The following LRRC37A2 variants were observed in gnomAD, a reference collection of about 807,000 sequenced individuals.
The protein encoded by LRRC37A2 is leucine-rich repeat-containing protein 37A2.
In LRRC37A2, 9 loss-of-function variants were observed where a neutral mutation model predicts 68.8. The observed-to-expected ratio is 0.13, with a 90% CI of 0.08 to 0.23. The LOEUF (loss-of-function observed/expected upper bound fraction) is 0.23, where lower values mean the gene tolerates loss of function less well. Among genes scored for constraint, LRRC37A2 ranks in the 10% least tolerant of loss-of-function variants. LRRC37A2 has a pLI of 1.00. For missense variants in LRRC37A2, 168 were observed against 950.4 expected, an observed-to-expected ratio of 0.18 and a Z score of 10.82; for synonymous variants, 63 against 367.6, an observed-to-expected ratio of 0.17 and a Z score of 9.48.
the LRRC37A2 span, among the ~76,000 whole-genome samples, chr17:46,851,344 C>T: frequency 6.7e-6 from 1 of 149,818 alleles, no homozygotes; most frequent in Admixed American, 6.6e-5. This position sits in a 1 kb window ranked among gnomAD's most constrained non-coding sequence, Gnocchi z 4.3. Flanking sequence ...ACCGCGACCC[C>T]GGGCGGGCGC....
chr17:47,008,827 A>T, the LRRC37A2 span, among the ~76,000 whole-genome samples: 2 of 152,146 alleles, frequency 1.3e-5, no homozygotes, highest in Non-Finnish European at 2.9e-5. Context: ...ATTCTGACAA[A>T]ATTAAATTTT....
At chr17:46,516,238 G>A (rs2051282002) in intron 2 of LRRC37A2, among the ~76,000 whole-genome samples, 1 of 137,672 alleles carries the variant, frequency 7.3e-6, no homozygotes, top group South Asian at 2.2e-4. Context: ...GGGAGGCAGA[G>A]CTTGCAGTGA....
chr17:46,986,055 A>G, the LRRC37A2 span, among the ~76,000 whole-genome samples: 2 of 152,042 alleles, frequency 1.3e-5, no homozygotes, highest in African/African-American at 2.4e-5. Flanking sequence ...GTAGACATTG[A>G]CCTAAACAGA....
chr17:46,960,236 G>A, the LRRC37A2 span, among the ~76,000 whole-genome samples: 1 of 152,162 alleles, frequency 6.6e-6, no homozygotes, highest in Non-Finnish European at 1.5e-5. Flanking sequence ...TGGCACTTAA[G>A]AACATGAAAA....
chr17:46,893,131 A>C, the LRRC37A2 span, among the ~76,000 whole-genome samples: 2 of 151,978 alleles, frequency 1.3e-5, no homozygotes, highest in Non-Finnish European at 2.9e-5. Context: ...TTGGGTTTTC[A>C]CCATGTTGGC....
At chr17:46,778,743 C>T in the LRRC37A2 span, among the ~76,000 whole-genome samples, 1 of 152,126 alleles carries the variant, frequency 6.6e-6, no homozygotes, top group South Asian at 2.1e-4. Flanking sequence ...GGCTGTTTCA[C>T]ACTTCTGCAC....
the LRRC37A2 span, among the ~76,000 whole-genome samples, chr17:46,889,144 T>TAG: frequency 1.3e-5 from 2 of 152,112 alleles, no homozygotes; most frequent in Non-Finnish European, 2.9e-5. Context: ...ATCCTAGACT[T>TAG]AGAACCCATG....
chr17:46,938,437 C>T, the LRRC37A2 span, among the ~76,000 whole-genome samples: 1 of 152,118 alleles, frequency 6.6e-6, no homozygotes, highest in African/African-American at 2.4e-5. Context: ...AATCAGTCGA[C>T]GACATGAGAG....
At chr17:46,496,643 A>T in the LRRC37A2 span, among the ~76,000 whole-genome samples, 1 of 116,896 alleles carries the variant, frequency 8.6e-6, no homozygotes, top group Non-Finnish European at 1.7e-5. Context: ...GGCCTGGTGC[A>T]GTGGCTCATG....
the LRRC37A2 span, among the ~76,000 whole-genome samples, chr17:46,788,826 C>T: frequency 2.0e-5 from 3 of 152,192 alleles, no homozygotes; most frequent in African/African-American, 4.8e-5. Flanking sequence ...TTCGTCTCTC[C>T]CAGATCCCAC....
chr17:46,699,527 A>G, the LRRC37A2 span, among the ~76,000 whole-genome samples: 1 of 148,218 alleles, frequency 6.7e-6, no homozygotes, highest in African/African-American at 2.5e-5. Context: ...TTTTTGATTG[A>G]TTAAGGTCAT....
chr17:46,905,063 A>G, the LRRC37A2 span, among the ~76,000 whole-genome samples: 1 of 151,982 alleles, frequency 6.6e-6, no homozygotes. Flanking sequence ...GCCCTAGAGA[A>G]AAGACCTTTT....
the LRRC37A2 span, among the ~76,000 whole-genome samples, chr17:46,708,830 T>A: frequency 6.9e-3 from 730 of 105,450 alleles, 4 homozygotes; most frequent in South Asian, 0.058. Flanking sequence ...ATATTTTTTT[T>A]TTTTTTTTTT....
At chr17:47,004,880 C>A in the LRRC37A2 span, among the ~76,000 whole-genome samples, 1 of 150,742 alleles carries the variant, frequency 6.6e-6, no homozygotes, top group African/African-American at 2.4e-5. Context: ...TACTGTAAGA[C>A]AATCAGTCAT....
the LRRC37A2 span, chr17:46,762,632 T>C: frequency 2.0e-5 from 3 of 151,222 alleles, no homozygotes; most frequent in African/African-American, 4.8e-5. Context: ...GTATATACAT[T>C]GTATAATAAA....
the LRRC37A2 span, among the ~76,000 whole-genome samples, chr17:46,502,263 C>T: frequency 6.6e-6 from 1 of 150,986 alleles, no homozygotes; most frequent in Non-Finnish European, 1.5e-5. Flanking sequence ...GAACTCAGAG[C>T]CTTGGGTTAC....
the LRRC37A2 span, among the ~76,000 whole-genome samples, chr17:47,020,781 C>CAAAAAAAAAAAAAAAAAAAAAAAA: frequency 4.5e-4 from 9 of 20,110 alleles, no homozygotes; most frequent in Non-Finnish European, 6.3e-4. Flanking sequence ...GACTCCATCT[C>CAAAAAAAAAAAAAAAAAAAAAAAA]AAAAAAAAAA....
At chr17:46,546,160 CT>C in intron 8 of LRRC37A2, 94 bp from the exon 8 acceptor site, 13 of 874,826 alleles carry the variant, frequency 1.5e-5, no homozygotes, top group Non-Finnish European at 2.2e-5. Context: ...TCAATGACAC[CT>C]TTTTCCCACA....
chr17:46,712,471 A>G, the LRRC37A2 span, among the ~76,000 whole-genome samples: 10 of 152,342 alleles, frequency 6.6e-5, no homozygotes, highest in African/African-American at 2.2e-4. Flanking sequence ...ACATAGCCCG[A>G]TAAATGGTGC....
Sources: gnomAD v4.1 joint callset for allele counts (sites outside exome capture counted in the v4.1 genomes callset) on GRCh38, gnomAD v4.1.1 for gene constraint, Gnocchi (gnomAD v3.1) non-coding constraint, MANE v1.5 for transcripts, NCBI Gene and HGNC (gene_info 2026-07-23, HGNC 2026-07-21) for gene names.